Variants in RNF130 observed in about 807,000 individuals in gnomAD.
RNF130 encodes ring finger protein 130, also known as E3 ubiquitin-protein ligase RNF130.
In RNF130, 21 loss-of-function variants were observed where a neutral mutation model predicts 44.6. That is an observed-to-expected ratio of 0.47 (90% CI 0.33 to 0.68). The LOEUF (loss-of-function observed/expected upper bound fraction) is 0.68, where lower values mean the gene tolerates loss of function less well. RNF130 is among the 30% of genes least tolerant of loss of function. RNF130 has a pLI of 0.02. For synonymous variants in RNF130, 214 were observed against 210.4 expected (o/e 1.02, Z -0.15); for missense variants, 479 against 560.6 (o/e 0.85, Z 1.47).
At chr5:180,027,464 C>T (rs1016284984) in intron 2 of RNF130, among the ~76,000 whole-genome samples, 1 of 152,092 alleles carries the variant, frequency 6.6e-6, no homozygotes, top group Non-Finnish European at 1.5e-5. Flanking sequence ...GGAGATTTAC[C>T]GTGAATGCCT....
Position 180,071,524 on chromosome 5 carries a change from C to T in RNF130, c.179G>A (p.Arg60His). ...GGCCTTGGGGGAGTCAAGCCCGTAGCGCCCGCGGTCGATGCGAAACGTGAG... is the reference window on the plus strand; with the variant it reads ...GGCCTTGGGGGAGTCAAGCCCGTAGTGCCCGCGGTCGATGCGAAACGTGAG... The part of the protein sequence containing the change: ...APLTFRIDRG[R>H]YGLDSPKAEV... The change falls in exon 1 of 9, where the codon CGC becomes CAC. Residue 60 changes from arginine to histidine, a missense_variant. Arg to His is a conservative substitution (Grantham distance 29). Transcript: ENST00000521389. 7.3e-7 allele frequency: 1 copy of T among 1,364,230 alleles called. No homozygotes were observed. Among genetic ancestry groups the T allele is most frequent in the Non-Finnish European group, 9.5e-7 (1 of 1,050,648 alleles). The allele number at this position is 1,364,230 out of a possible 1,614,324, so 84.5% of individuals were successfully genotyped here.
At chr5:179,949,724 C>T (rs985247798) in intron 7 of RNF130, among the ~76,000 whole-genome samples, 1 of 152,244 alleles carries the variant, frequency 6.6e-6, no homozygotes, top group South Asian at 2.1e-4. Context: ...TTTAAGTTAT[C>T]CTGAGACTTC....
At chr5:179,961,607 C>A (rs1048611586) in intron 8 of RNF130, among the ~76,000 whole-genome samples, 5 of 152,108 alleles carry the variant, frequency 3.3e-5, no homozygotes, top group Non-Finnish European at 7.4e-5. Context: ...TCGAAAAGTG[C>A]CTAGTGTAAT....
intron 2 of RNF130, among the ~76,000 whole-genome samples, chr5:180,030,834 T>C (rs1764116301): frequency 6.6e-6 from 1 of 152,208 alleles, no homozygotes; most frequent in Non-Finnish European, 1.5e-5. Context: ...GCATAATGCT[T>C]TTGAGGTTTA....
intron 3 of RNF130, among the ~76,000 whole-genome samples, chr5:179,981,458 C>T (rs1030977599): frequency 1.3e-5 from 2 of 152,224 alleles, no homozygotes; most frequent in African/African-American, 4.8e-5. Flanking sequence ...AAGTTTTAAA[C>T]ACACAAAAGA....
rs374880235 is a variant in RNF130 at position 180,063,799 on chromosome 5, G to A, written c.247+7657C>T. On this transcript the variant is annotated intron_variant, in intron 1 of 8. Coordinates refer to ENST00000521389, the MANE Select transcript of RNF130 (RefSeq NM_018434.6). ...TGTAGGAAGCATGAGAAAGACCAAC[G>A]GTACATGGTTCATCCACAATGGAAA... 5.3e-5 allele frequency among the ~76,000 whole-genome samples: 8 copies of A among 152,268 alleles called. No homozygotes were observed. The East Asian group carries it at 7.7e-4, about 15-fold the overall frequency.
At chr5:180,053,892 C>G (rs1435761962) in intron 1 of RNF130, among the ~76,000 whole-genome samples, 1 of 150,970 alleles carries the variant, frequency 6.6e-6, no homozygotes, top group Non-Finnish European at 1.5e-5. Flanking sequence ...TACAGTGGCA[C>G]GATCTCGGCT....
chr5:180,000,687 C>T (rs1043794929), intron 3 of RNF130, among the ~76,000 whole-genome samples: 2 of 152,080 alleles, frequency 1.3e-5, no homozygotes, highest in Non-Finnish European at 2.9e-5. Context: ...TGAAATTCTC[C>T]ACTGTATGTT....
At chr5:180,019,465 C>T (rs1032379300) in intron 2 of RNF130, among the ~76,000 whole-genome samples, 1 of 152,142 alleles carries the variant, frequency 6.6e-6, no homozygotes, top group Non-Finnish European at 1.5e-5. Context: ...GGTCAAGCTG[C>T]ACATGGGGCA....
chr5:179,999,140 G>A (rs906056196), intron 3 of RNF130, among the ~76,000 whole-genome samples: 5 of 147,654 alleles, frequency 3.4e-5, no homozygotes, highest in Non-Finnish European at 7.5e-5. Flanking sequence ...CTCTGCCTCA[G>A]ACTCCCGAGT....
At chr5:179,973,077 T>C (rs1203581127) in intron 5 of RNF130, among the ~76,000 whole-genome samples, 1 of 152,144 alleles carries the variant, frequency 6.6e-6, no homozygotes, top group Non-Finnish European at 1.5e-5. Flanking sequence ...AAAAGTTCCT[T>C]TGGGCTCTCC....
intron 3 of RNF130, among the ~76,000 whole-genome samples, chr5:180,012,376 A>C (rs1437968309): frequency 6.6e-6 from 1 of 152,170 alleles, no homozygotes; most frequent in Non-Finnish European, 1.5e-5. Context: ...TAACACCTGG[A>C]ACCTGGCACC....
At chr5:180,002,408 A>C (rs1454183476) in intron 3 of RNF130, among the ~76,000 whole-genome samples, 1 of 152,146 alleles carries the variant, frequency 6.6e-6, no homozygotes, top group Admixed American at 6.6e-5. Flanking sequence ...GACAAAGGGG[A>C]GCCATGACTA....
intron 7 of RNF130, chr5:179,933,860 T>C (rs934915682): frequency 2.8e-5 from 22 of 787,088 alleles, no homozygotes; most frequent in Middle Eastern, 4.0e-4. Flanking sequence ...TGCTTCTTCA[T>C]GGTCCATGTT....
At chr5:180,069,896 G>C (rs1365216480) in intron 1 of RNF130, among the ~76,000 whole-genome samples, 4 of 152,136 alleles carry the variant, frequency 2.6e-5, no homozygotes, top group African/African-American at 9.7e-5. Context: ...TCAAAGACGG[G>C]GCTTTTGTTT....
chr5:180,046,562 C>G (rs1764572252), intron 1 of RNF130, among the ~76,000 whole-genome samples: 1 of 152,178 alleles, frequency 6.6e-6, no homozygotes, highest in Non-Finnish European at 1.5e-5. Flanking sequence ...AAGTGATAGC[C>G]TCGGACAGTA....
downstream of RNF130, among the ~76,000 whole-genome samples, chr5:179,954,602 G>A (rs1007393265): frequency 6.6e-6 from 1 of 152,206 alleles, no homozygotes; most frequent in African/African-American, 2.4e-5. Flanking sequence ...GGTTTTTTAC[G>A]GGGTGATGAA....
At chr5:180,057,831 A>G (rs929066753) in intron 1 of RNF130, among the ~76,000 whole-genome samples, 1 of 152,152 alleles carries the variant, frequency 6.6e-6, no homozygotes, top group African/African-American at 2.4e-5. Flanking sequence ...TATCAAACTG[A>G]GTAGGGCGTT....
At chr5:180,004,026 A>G (rs939293205) in intron 3 of RNF130, among the ~76,000 whole-genome samples, 3 of 152,212 alleles carry the variant, frequency 2.0e-5, no homozygotes, top group Non-Finnish European at 2.9e-5. Flanking sequence ...ATAATATCCC[A>G]TTTTACAGAA....
Sources: gnomAD v4.1 joint callset for allele counts (sites outside exome capture counted in the v4.1 genomes callset) on GRCh38, gnomAD v4.1.1 for gene constraint, MANE v1.5 for transcripts, NCBI Gene and HGNC (gene_info 2026-07-23, HGNC 2026-07-21) for gene names.